SLC41A2: variants seen among roughly 807,000 people sequenced by gnomAD.
SLC41A2 encodes solute carrier family 41 member 2, also known as SLC41A1-like 1.
A neutral mutation model predicts 58.3 loss-of-function variants in SLC41A2; 32 were observed. That is an observed-to-expected ratio of 0.55 (90% CI 0.41 to 0.74). SLC41A2 has a LOEUF of 0.74. Ranked by LOEUF, SLC41A2 falls within the 30% of genes least tolerant of loss-of-function variation. The pLI is 0.00. For missense variants in SLC41A2, 514 were observed against 680.6 expected (o/e 0.76, Z 2.72); for synonymous variants, 190 against 235.0 (o/e 0.81, Z 1.75).
At chr12:104,827,037 T>C (rs1423001688) in intron 10 of SLC41A2, among the ~76,000 whole-genome samples, 1 of 152,210 alleles carries the variant, frequency 6.6e-6, no homozygotes, top group Non-Finnish European at 1.5e-5. Flanking sequence ...ATAGAGGGCA[T>C]ATGTAGAACT....
At chr12:104,881,739 G>A (rs934309085) in intron 6 of SLC41A2, among the ~76,000 whole-genome samples, 11 of 152,166 alleles carry the variant, frequency 7.2e-5, no homozygotes, top group Non-Finnish European at 1.5e-4. Flanking sequence ...TTCCAACTAT[G>A]TGGTCAATTT....
chr12:104,843,130 C>G (rs2042474781), intron 10 of SLC41A2, among the ~76,000 whole-genome samples: 1 of 152,018 alleles, frequency 6.6e-6, no homozygotes, highest in African/African-American at 2.4e-5. Context: ...GAGGTACTTC[C>G]TTTTCCTTTC....
intron 3 of SLC41A2, among the ~76,000 whole-genome samples, chr12:104,900,491 T>C (rs182855824): frequency 5.1e-4 from 78 of 152,322 alleles, no homozygotes; most frequent in African/African-American, 1.8e-3. Flanking sequence ...ACTCAGCAAA[T>C]TGTAGACTTT....
intron 6 of SLC41A2, among the ~76,000 whole-genome samples, chr12:104,869,810 G>C (rs2043670210): frequency 6.6e-6 from 1 of 152,114 alleles, no homozygotes; most frequent in Non-Finnish European, 1.5e-5. Context: ...TTTTATAGAT[G>C]TCATAAAATT....
chr12:104,879,306 T>C (rs140997550), intron 6 of SLC41A2, among the ~76,000 whole-genome samples: 1,617 of 152,354 alleles, frequency 0.011, 35 homozygotes, highest in African/African-American at 0.036. Context: ...AGAAGCTCTT[T>C]AGTTTAATTA....
intron 1 of SLC41A2, among the ~76,000 whole-genome samples, chr12:104,943,840 G>T (rs535534601): frequency 6.6e-6 from 1 of 152,144 alleles, no homozygotes; most frequent in Admixed American, 6.5e-5. Flanking sequence ...AAACAATCAG[G>T]TAGTAAAGAG....
chr12:104,913,903 C>T (rs1796735702), intron 2 of SLC41A2, among the ~76,000 whole-genome samples: 1 of 152,022 alleles, frequency 6.6e-6, no homozygotes, highest in African/African-American at 2.4e-5. Context: ...GAAACCCCAT[C>T]TCTGCAAAAA....
rs146706466 is a variant in SLC41A2 at position 104,861,848 on chromosome 12, G to T, written c.1176-478C>A. On this transcript the variant is annotated intron_variant, in intron 7 of 10. Coordinates refer to ENST00000258538, the MANE Select transcript of SLC41A2 (RefSeq NM_001352171.3). ...AAGCATAAAAGAGGTTATTTTTATT[G>T]TATTAAAACTAGATATTGTTAGGAT... Among the ~76,000 whole-genome samples the T allele has an allele frequency of 1.9e-4, 29 of 152,196 alleles. No individual in the cohort carries two copies. The East Asian group carries it at 5.6e-3, about 29-fold the overall frequency.
rs1045698295 is a variant in SLC41A2, at chr12:104,886,149, A to G, written c.1027+144T>C. On this transcript the variant is annotated intron_variant, in intron 6 of 10. Transcript: ENST00000258538. ...GGGAATCATAACACATAGTAGGTAT[A>G]AAACAAATGATAGTTATCCTAATCA... The G allele has an allele frequency of 6.3e-6, 5 of 799,260 alleles. No homozygotes were observed. The African/African-American group carries it at 6.9e-5, about 11-fold the overall frequency. 49.5% of individuals were successfully genotyped at this position (799,260 alleles called of 1,614,324 possible).
At chr12:104,809,092 C>A (rs895969429) in intron 10 of SLC41A2, among the ~76,000 whole-genome samples, 7 of 152,176 alleles carry the variant, frequency 4.6e-5, no homozygotes, top group Non-Finnish European at 8.8e-5. Context: ...TCCAAATGAA[C>A]ATTAAAATGG....
At chr12:104,847,582 C>A (rs1481598201) in intron 8 of SLC41A2, among the ~76,000 whole-genome samples, 1 of 131,126 alleles carries the variant, frequency 7.6e-6, no homozygotes, top group Non-Finnish European at 1.5e-5. Context: ...TCCAGCCTGA[C>A]GACAGAGTGA....
intron 7 of SLC41A2, among the ~76,000 whole-genome samples, chr12:104,861,599 T>A (rs932079480): frequency 6.6e-6 from 1 of 152,308 alleles, no homozygotes; most frequent in African/African-American, 2.4e-5. Flanking sequence ...GTCTAAGATA[T>A]GCTACTTGTG....
chr12:104,862,845 T>C (rs1195594927), intron 7 of SLC41A2, among the ~76,000 whole-genome samples: 1 of 152,196 alleles, frequency 6.6e-6, no homozygotes, highest in Non-Finnish European at 1.5e-5. Context: ...ATGACTAAAT[T>C]GAGCTAATTA....
At chr12:104,896,109 A>G (rs1299928031) in intron 3 of SLC41A2, among the ~76,000 whole-genome samples, 1 of 152,216 alleles carries the variant, frequency 6.6e-6, no homozygotes, top group Non-Finnish European at 1.5e-5. Context: ...TTTGCTATGA[A>G]AGACTTTCTT....
intron 8 of SLC41A2, among the ~76,000 whole-genome samples, chr12:104,848,896 CCACACACACACACA>C (rs3039361): frequency 6.8e-6 from 1 of 147,094 alleles, no homozygotes; most frequent in African/African-American, 2.5e-5. Context: ...AACTTGATAA[CCACACACACACACA>C]CACACACACA....
chr12:104,912,580 G>A (rs749792521), intron 2 of SLC41A2, among the ~76,000 whole-genome samples: 2 of 152,114 alleles, frequency 1.3e-5, no homozygotes, highest in Admixed American at 6.5e-5. Context: ...CCCATACCTC[G>A]CCCTACATAT....
intron 6 of SLC41A2, among the ~76,000 whole-genome samples, chr12:104,882,238 T>C (rs1215763138): frequency 2.6e-5 from 4 of 152,154 alleles, no homozygotes; most frequent in Non-Finnish European, 4.4e-5. Flanking sequence ...GTCTCCTGAA[T>C]ACAGCACACT....
At chr12:104,809,026 T>C (rs1331416437) in intron 10 of SLC41A2, among the ~76,000 whole-genome samples, 1 of 152,202 alleles carries the variant, frequency 6.6e-6, no homozygotes, top group Non-Finnish European at 1.5e-5. Flanking sequence ...ACAGCCCTTC[T>C]CTATTGTCTA....
intron 8 of SLC41A2, among the ~76,000 whole-genome samples, 159 bp downstream of exon 8, chr12:104,861,132 G>A (rs2043198765): frequency 6.6e-6 from 1 of 152,208 alleles, no homozygotes; most frequent in African/African-American, 2.4e-5. Context: ...ACCTGGGAAT[G>A]TAATTTTCAC....
Sources: allele counts gnomAD v4.1 joint callset (sites outside exome capture counted in the v4.1 genomes callset), GRCh38; gene constraint gnomAD v4.1.1; transcripts MANE v1.5; gene names NCBI Gene and HGNC (gene_info 2026-07-23, HGNC 2026-07-21).